Variants in SLC24A2 observed in about 807,000 individuals in gnomAD.
SLC24A2 encodes sodium/potassium/calcium exchanger 2.
Under a neutral mutation model 62.0 loss-of-function variants are expected in SLC24A2, and 36 were observed. The observed-to-expected ratio is 0.58, with a 90% CI of 0.44 to 0.77. The LOEUF (loss-of-function observed/expected upper bound fraction) is 0.77, where lower values mean the gene tolerates loss of function less well. Ranked by LOEUF, SLC24A2 falls within the 30% of genes least tolerant of loss-of-function variation. The pLI, the probability that SLC24A2 is intolerant of heterozygous loss-of-function variation, is 0.00. For missense variants in SLC24A2, 846 were observed against 817.9 expected, an observed-to-expected ratio of 1.03 and a Z score of -0.42; for synonymous variants, 358 against 294.0, an observed-to-expected ratio of 1.22 and a Z score of -2.23.
intron 7 of SLC24A2, among the ~76,000 whole-genome samples, chr9:19,572,540 T>C (rs1563975107): frequency 6.6e-6 from 1 of 152,186 alleles, no homozygotes; most frequent in Admixed American, 6.5e-5. Flanking sequence ...TTTTCTTTCC[T>C]GCTCTGCCAT....
At chr9:20,275,175 TA>T in the SLC24A2 span, among the ~76,000 whole-genome samples, 2 of 152,012 alleles carry the variant, frequency 1.3e-5, no homozygotes, top group Admixed American at 1.3e-4. Flanking sequence ...AAGCTAAAAG[TA>T]AACATAGACA....
At chr9:20,067,446 C>T in the SLC24A2 span, among the ~76,000 whole-genome samples, 6 of 152,134 alleles carry the variant, frequency 3.9e-5, no homozygotes, top group East Asian at 9.7e-4. Context: ...ATTTTAGATA[C>T]AGGGTGTACA....
rs1351684126 is a variant in SLC24A2, at chr9:19,510,923, C to G, written c.*5230G>C. 1.3e-5 allele frequency: 2 copies of G among 152,206 alleles called. No individual in the cohort carries two copies. The highest frequency in any genetic ancestry group is 2.9e-5 in the Non-Finnish European group (2 of 68,064). 9.4% of individuals were successfully genotyped at this position (152,206 alleles called of 1,614,324 possible). ...TGCTTCTTACTCTTTCTTAAGAAAT[C>G]TGTCCCTAGCCATATTAAGGGCCTC... On this transcript the variant is annotated 3_prime_UTR_variant, in exon 11 of 11. Coordinates refer to ENST00000341998, the MANE Select transcript of SLC24A2 (RefSeq NM_020344.4).
At chr9:20,046,501 C>T in the SLC24A2 span, among the ~76,000 whole-genome samples, 1 of 152,150 alleles carries the variant, frequency 6.6e-6, no homozygotes, top group Non-Finnish European at 1.5e-5. Context: ...TGTCTTGAAG[C>T]CATATGTCCT....
At chr9:20,263,325 T>C in the SLC24A2 span, among the ~76,000 whole-genome samples, 1 of 152,170 alleles carries the variant, frequency 6.6e-6, no homozygotes, top group Non-Finnish European at 1.5e-5. Flanking sequence ...TGATTATGGC[T>C]ACTGTAGCCT....
At chr9:19,592,026 A>G (rs1836567752) in intron 5 of SLC24A2, among the ~76,000 whole-genome samples, 1 of 152,240 alleles carries the variant, frequency 6.6e-6, no homozygotes, top group Admixed American at 6.5e-5. Context: ...ATGGTATTCC[A>G]AAACTTAATT....
At chr9:20,228,429 G>A in the SLC24A2 span, among the ~76,000 whole-genome samples, 8 of 151,952 alleles carry the variant, frequency 5.3e-5, no homozygotes, top group East Asian at 1.5e-3. Context: ...CACTGATGAT[G>A]GAGCATGAAT....
the SLC24A2 span, among the ~76,000 whole-genome samples, chr9:20,287,571 G>A: frequency 2.0e-5 from 3 of 152,150 alleles, no homozygotes; most frequent in African/African-American, 4.8e-5. Flanking sequence ...CTCATACAAC[G>A]AACAGTTTTT....
At chr9:20,183,294 G>C in the SLC24A2 span, among the ~76,000 whole-genome samples, 1 of 152,144 alleles carries the variant, frequency 6.6e-6, no homozygotes, top group African/African-American at 2.4e-5. Context: ...ATATAAGTAA[G>C]TGCCCTATTT....
chr9:19,578,795 C>T (rs960698121), intron 5 of SLC24A2, among the ~76,000 whole-genome samples: 3 of 152,090 alleles, frequency 2.0e-5, no homozygotes, highest in African/African-American at 2.4e-5. Context: ...AGAGTCAGAC[C>T]AATGGACTCC....
intron 5 of SLC24A2, among the ~76,000 whole-genome samples, chr9:19,596,554 C>T (rs1219331113): frequency 2.0e-5 from 3 of 152,130 alleles, no homozygotes; most frequent in Non-Finnish European, 4.4e-5. Context: ...TGTTCTGGGA[C>T]AGTGCCTGGA....
rs1052656540 is a variant in SLC24A2, at chr9:19,547,169, G to A, written c.1479+2968C>T. Among the ~76,000 whole-genome samples, 15 of 152,068 alleles carry A rather than the reference G, an allele frequency of 9.9e-5. No individual in the cohort carries two copies. In the East Asian group the frequency reaches 1.5e-3, roughly 16 times the overall value. On this transcript the variant is annotated intron_variant, in intron 8 of 10. Coordinates refer to ENST00000341998, the MANE Select transcript of SLC24A2 (RefSeq NM_020344.4). ...TGCTCAATAAATATTTGTGAAGGAAGTTGAAAAAAACCAAAGTGTTCTTCC... is the reference window on the plus strand; with the variant it reads ...TGCTCAATAAATATTTGTGAAGGAAATTGAAAAAAACCAAAGTGTTCTTCC...
At chr9:19,885,095 A>C in the SLC24A2 span, among the ~76,000 whole-genome samples, 1 of 152,166 alleles carries the variant, frequency 6.6e-6, no homozygotes, top group Non-Finnish European at 1.5e-5. Flanking sequence ...GAGTGTCTCC[A>C]TATGGCAGTG....
Position 19,514,664 on chromosome 9 carries a change from C to T in SLC24A2, c.*1489G>A, listed in dbSNP as rs1050392999. ...GAAATCAAATTGTTGGAGTGAATAGCTTGAAACCAGTATAAGGAAGCTGTC... is the reference window on the plus strand; with the variant it reads ...GAAATCAAATTGTTGGAGTGAATAGTTTGAAACCAGTATAAGGAAGCTGTC... On this transcript the variant is annotated 3_prime_UTR_variant, in exon 11 of 11. Coordinates refer to ENST00000341998, the MANE Select transcript of SLC24A2 (RefSeq NM_020344.4). 2.6e-5 allele frequency: 4 copies of T among 152,128 alleles called. No individual in the cohort carries two copies. The highest frequency in any genetic ancestry group is 7.2e-5 in the African/African-American group (3 of 41,412). The allele number at this position is 152,128 out of a possible 1,614,324, so 9.4% of individuals were successfully genotyped here. A position where few individuals can be genotyped will look rare whatever the true frequency, so the allele number is the denominator to read the frequency against.
the SLC24A2 span, among the ~76,000 whole-genome samples, chr9:20,268,769 G>A: frequency 3.3e-5 from 5 of 152,120 alleles, no homozygotes; most frequent in Admixed American, 1.3e-4. Flanking sequence ...TCCTTCCAGG[G>A]CCTATTTGAA....
chr9:20,256,715 G>A, the SLC24A2 span, among the ~76,000 whole-genome samples: 8 of 152,128 alleles, frequency 5.3e-5, no homozygotes, highest in African/African-American at 1.9e-4. Flanking sequence ...TGCATTCAGT[G>A]AGGGCTTTCT....
the SLC24A2 span, among the ~76,000 whole-genome samples, chr9:20,076,276 A>T: frequency 6.6e-6 from 1 of 152,190 alleles, no homozygotes; most frequent in Non-Finnish European, 1.5e-5. Flanking sequence ...TTCCTAGATG[A>T]TAAAAAACTA....
chr9:19,923,662 T>C, the SLC24A2 span, among the ~76,000 whole-genome samples: 30 of 152,252 alleles, frequency 2.0e-4, no homozygotes, highest in African/African-American at 4.6e-4. Context: ...AATGGGGATA[T>C]AGTTGTTGTC....
intron 8 of SLC24A2, among the ~76,000 whole-genome samples, chr9:19,539,213 G>A (rs1834129646): frequency 1.5e-5 from 1 of 66,340 alleles, no homozygotes; most frequent in Non-Finnish European, 3.0e-5. Flanking sequence ...CTTCAGTTCT[G>A]CTCTGATTTT....
Sources: gnomAD v4.1 joint callset for allele counts (sites outside exome capture counted in the v4.1 genomes callset) on GRCh38, gnomAD v4.1.1 for gene constraint, MANE v1.5 for transcripts, NCBI Gene and HGNC (gene_info 2026-07-23, HGNC 2026-07-21) for gene names.